The following UTRN variants were observed in gnomAD, a reference collection of about 807,000 sequenced individuals.
UTRN encodes the protein utrophin.
In UTRN, 283 loss-of-function variants were observed where a neutral mutation model predicts 463.9. The ratio of observed to expected loss-of-function variants is 0.61; its 90% CI spans 0.55 to 0.67. The LOEUF (loss-of-function observed/expected upper bound fraction) is 0.67, where lower values mean the gene tolerates loss of function less well. Ranked by LOEUF, UTRN falls within the 30% of genes least tolerant of loss-of-function variation. UTRN has a pLI of 0.00. For missense variants in UTRN, 3,922 were observed against 4,084.3 expected (o/e 0.96, Z 1.08); for synonymous variants, 1,442 against 1,431.5 (o/e 1.01, Z -0.17).
At chr6:144,609,698 A>C (rs1805265163) in intron 51 of UTRN, among the ~76,000 whole-genome samples, 1 of 152,248 alleles carries the variant, frequency 6.6e-6, no homozygotes, top group African/African-American at 2.4e-5. Flanking sequence ...AAACCTTAGC[A>C]AATGTAAGAG....
intron 52 of UTRN, among the ~76,000 whole-genome samples, chr6:144,697,161 T>C (rs969353626): frequency 2.0e-5 from 3 of 152,178 alleles, no homozygotes; most frequent in Non-Finnish European, 2.9e-5. Flanking sequence ...CCTAGGTTGA[T>C]AATACAGTCA....
At position 144,809,360 on chromosome 6, in the gene UTRN, G is replaced by C. The variant is rs1326787502; in HGVS notation, c.9357+6213G>C. On this transcript the variant is annotated intron_variant, in intron 65 of 74. Transcript: ENST00000367545. ...TTTGTGACTCCATCATTGCTCAGCA[G>C]CTTTGGAATTAAAAGATGAAAAGTA... Among the ~76,000 whole-genome samples the C allele has an allele frequency of 2.0e-5, 3 of 152,130 alleles. No individual in the cohort carries two copies. In the South Asian group the frequency reaches 6.2e-4, roughly 32 times the overall value.
At position 144,789,449 on chromosome 6, in the gene UTRN, G is replaced by A. The variant is rs1264306167; in HGVS notation, c.8920+170G>A. Among the ~76,000 whole-genome samples the A allele has an allele frequency of 3.9e-5, 6 of 152,088 alleles. 1 individual carries two copies. ...ACAGAGGGTGGCAGTGCAAAGACTT[G>A]GGGCTTTGTGTGAAATGGAAAGCTG... On this transcript the variant is annotated intron_variant, in intron 62 of 74. Transcript: ENST00000367545.
intron 2 of UTRN, among the ~76,000 whole-genome samples, chr6:144,296,043 A>G (rs1481785891): frequency 6.6e-6 from 1 of 152,034 alleles, no homozygotes; most frequent in Non-Finnish European, 1.5e-5. Context: ...GCATCTCTGT[A>G]TTTACGTTCC....
At position 144,482,242 on chromosome 6, in the gene UTRN, A is replaced by G. The variant is rs760024306; in HGVS notation, c.3541A>G (p.Arg1181Gly). 1.3e-6 allele frequency: 2 copies of G among 1,581,572 alleles called. No homozygotes were observed. Among genetic ancestry groups the G allele is most frequent in the African/African-American group, 1.4e-5 (1 of 73,818 alleles). ...AKEDVLQKEV[R>G]VKILKDNIKL... ...AGAGGATGTGTTGCAGAAGGAGGTG[A>G]GAGTGAAGATTCTCAAGGACAACAT... Residue 1181 changes from arginine (R) to glycine (G), a missense_variant, in exon 27 of 75, where the codon AGA (arginine) becomes GGA (glycine). Arg to Gly is a moderately radical substitution (Grantham distance 125). Transcript: ENST00000367545.
intron 53 of UTRN, among the ~76,000 whole-genome samples, chr6:144,711,887 C>T (rs1363942600): frequency 6.6e-6 from 1 of 152,020 alleles, no homozygotes; most frequent in Non-Finnish European, 1.5e-5. Flanking sequence ...TGCCAAGAAA[C>T]ATTAGCAAAC....
intron 51 of UTRN, among the ~76,000 whole-genome samples, chr6:144,584,676 CT>C (rs568891099): frequency 1.2e-4 from 18 of 147,350 alleles, no homozygotes; most frequent in East Asian, 3.9e-4. Flanking sequence ...TGTCTGGAAA[CT>C]TTTTTTTTTT....
intron 3 of UTRN, among the ~76,000 whole-genome samples, chr6:144,412,898 T>G (rs1261152908): frequency 6.6e-6 from 1 of 152,138 alleles, no homozygotes; most frequent in East Asian, 1.9e-4. Context: ...GGCTCAAATT[T>G]GTTATTCGTT....
rs1177154277 is a variant in UTRN, at chr6:144,482,893, A to G, written c.3687+505A>G. Among the ~76,000 whole-genome samples the G allele has an allele frequency of 2.0e-5, 3 of 151,528 alleles. No homozygotes were observed. In the East Asian group the frequency reaches 5.8e-4, roughly 29 times the overall value. ...AGTTTTACTGGGTCTTAGATAAAAT[A>G]CCTTTTTTTTTTCTCCCTGGCCATT... On this transcript the variant is annotated intron_variant, in intron 27 of 74. Transcript: ENST00000367545.
At chr6:144,738,826 T>C (rs756533930) in intron 54 of UTRN, among the ~76,000 whole-genome samples, 31 of 152,220 alleles carry the variant, frequency 2.0e-4, no homozygotes, top group Admixed American at 6.5e-4. Flanking sequence ...TTAAGCTGCC[T>C]GAATATCATT....
intron 51 of UTRN, among the ~76,000 whole-genome samples, chr6:144,672,740 A>G (rs1781180440): frequency 6.6e-6 from 1 of 151,712 alleles, no homozygotes; most frequent in Admixed American, 6.6e-5. Context: ...TTGTTTCTCT[A>G]GTTCCTTGAG....
chr6:144,487,638 G>A lies in UTRN; in HGVS notation c.3913G>A (p.Asp1305Asn). The change falls in exon 29 of 75, where the codon GAT (aspartate) becomes AAT (asparagine). Residue 1305 changes from aspartate (D) to asparagine (N), a missense_variant. By Grantham distance (23) the Asp-to-Asn change is conservative. Coordinates refer to ENST00000367545, the MANE Select transcript of UTRN (RefSeq NM_007124.3). ...TCTGATTGATGGGGGGATCCTGGAT[G>A]ATATAATCAGTGAGAAACTGGAGGC... is the stretch of plus-strand genomic sequence containing the variant. ...QTLIDGGILD[D>N]IISEKLEAFN... 6.2e-7 allele frequency: 1 copy of A among 1,613,350 alleles called. No individual in the cohort carries two copies. Among genetic ancestry groups the A allele is most frequent in the Non-Finnish European group, 8.5e-7 (1 of 1,179,600 alleles).
chr6:144,433,283 C>G (rs1786088355), intron 9 of UTRN, among the ~76,000 whole-genome samples: 1 of 151,006 alleles, frequency 6.6e-6, no homozygotes, highest in African/African-American at 2.4e-5. Flanking sequence ...CGCCCCTCAC[C>G]TCCCGGACGG....
chr6:144,285,456 C>G lies in UTRN; in HGVS notation c.-458C>G, dbSNP rs576845520. On this transcript the variant is annotated 5_prime_UTR_variant, in exon 1 of 75. Coordinates refer to ENST00000367545, the MANE Select transcript of UTRN (RefSeq NM_007124.3). The stretch of plus-strand genomic sequence containing the variant: ...GGGGAATCACGGGGAGCGGCGCCCC[C>G]CTTCTTTTGGGTCATTTCTGCAAAC... Among the ~76,000 whole-genome samples the G allele has an allele frequency of 3.3e-5, 5 of 152,344 alleles. No homozygotes were observed. The South Asian group carries it at 1.0e-3, about 32-fold the overall frequency.
chr6:144,307,431 T>C (rs1350358317), intron 2 of UTRN, among the ~76,000 whole-genome samples: 1 of 152,232 alleles, frequency 6.6e-6, no homozygotes, highest in African/African-American at 2.4e-5. Flanking sequence ...TTCATTATAT[T>C]CTCAAAGGAG....
chr6:144,735,493 G>T (rs1172134446), intron 54 of UTRN, among the ~76,000 whole-genome samples: 3 of 151,662 alleles, frequency 2.0e-5, no homozygotes, highest in Non-Finnish European at 4.4e-5. Context: ...AGAGGACCTG[G>T]AAAGGTCCTA....
rs182915068 is a variant in UTRN at position 144,623,910 on chromosome 6, T to A, written c.7479+46622T>A. Among the ~76,000 whole-genome samples, 350 of 152,292 alleles carry A rather than the reference T, an allele frequency of 2.3e-3. 2 individuals are homozygous for A. Among genetic ancestry groups the A allele is most frequent in the Non-Finnish European group, 2.1e-3 (142 of 68,024 alleles). On this transcript the variant is annotated intron_variant, in intron 51 of 74. Transcript: ENST00000367545. ...GAATTTTAGAGGGCAGATAAAACTA[T>A]ATCTCTGGGGCAATAAAAGAAGACA...
Position 144,716,573 on chromosome 6 carries a change from C to A in UTRN, c.7810-13784C>A, listed in dbSNP as rs531532522. On this transcript the variant is annotated intron_variant, in intron 53 of 74. Coordinates refer to ENST00000367545, the MANE Select transcript of UTRN (RefSeq NM_007124.3). ...AGTAATTTATTCAATGCTAAATGAGCTCAATTCTAGTGGGCATTCCTTTCT... is the reference window on the plus strand; with the variant it reads ...AGTAATTTATTCAATGCTAAATGAGATCAATTCTAGTGGGCATTCCTTTCT... Among the ~76,000 whole-genome samples, 8 of 152,210 alleles carry A rather than the reference C, an allele frequency of 5.3e-5. No individual in the cohort carries two copies. The East Asian group carries it at 1.5e-3, about 29-fold the overall frequency.
intron 65 of UTRN, among the ~76,000 whole-genome samples, chr6:144,819,993 G>C (rs1048979256): frequency 5.9e-5 from 9 of 151,434 alleles, no homozygotes; most frequent in African/African-American, 2.2e-4. Context: ...AGCCAAGTTG[G>C]AGCCAGAGGA....
Sources: gnomAD v4.1 joint callset for allele counts (sites outside exome capture counted in the v4.1 genomes callset) on GRCh38, gnomAD v4.1.1 for gene constraint, MANE v1.5 for transcripts, NCBI Gene and HGNC (gene_info 2026-07-23, HGNC 2026-07-21) for gene names.